PAN3: variants seen among roughly 807,000 people sequenced by gnomAD.
PAN3 encodes poly(A) specific ribonuclease subunit PAN3.
A neutral mutation model predicts 96.2 loss-of-function variants in PAN3; 19 were observed. That is an observed-to-expected ratio of 0.20 (90% CI 0.14 to 0.29). The LOEUF (loss-of-function observed/expected upper bound fraction) is 0.29, where lower values mean the gene tolerates loss of function less well. Among genes scored for constraint, PAN3 ranks in the 10% least tolerant of loss-of-function variants. The pLI is 1.00. For synonymous variants in PAN3, 433 were observed against 406.6 expected, an observed-to-expected ratio of 1.06 and a Z score of -0.78; for missense variants, 882 against 1,108.1, an observed-to-expected ratio of 0.80 and a Z score of 2.90.
At chr13:28,278,208 T>C (rs1402183529) in intron 15 of PAN3, among the ~76,000 whole-genome samples, 1 of 152,218 alleles carries the variant, frequency 6.6e-6, no homozygotes, top group African/African-American at 2.4e-5. Context: ...AATTGGGGGA[T>C]GGAGGGTGGG....
chr13:28,274,661 T>C (rs1179368704), intron 14 of PAN3, among the ~76,000 whole-genome samples: 2 of 152,142 alleles, frequency 1.3e-5, no homozygotes, highest in African/African-American at 4.8e-5. Context: ...TTATTAATAT[T>C]TGTAAGTCAG....
At chr13:28,264,902 A>G (rs986924748) in intron 9 of PAN3, among the ~76,000 whole-genome samples, 2 of 152,316 alleles carry the variant, frequency 1.3e-5, no homozygotes, top group Middle Eastern at 6.8e-3. Flanking sequence ...CCAGTGCCAT[A>G]GCGAATTGTA....
intron 4 of PAN3, among the ~76,000 whole-genome samples, chr13:28,190,265 T>C (rs1877075470): frequency 2.0e-5 from 3 of 152,140 alleles, no homozygotes; most frequent in Non-Finnish European, 2.9e-5. Context: ...TTTTTTGAGA[T>C]AGAGCCTCAC....
intron 4 of PAN3, among the ~76,000 whole-genome samples, chr13:28,193,125 C>T (rs551600926): frequency 4.6e-5 from 7 of 152,254 alleles, no homozygotes; most frequent in East Asian, 3.9e-4. Flanking sequence ...AAGAAGTTTA[C>T]GAATTCTTGT....
rs1555267661 is a variant in PAN3 at position 28,144,718 on chromosome 13, C to CCTTTTTTTTTTTTTTTT, written c.430+5631_430+5632insCTTTTTTTTTTTTTTTT. Reference sequence around the variant, plus strand: ...TATCAAAAGCAAACCAAAACATCATCTTTTTTTTTTTTTTTTTTTTTCCTC... The same window carrying CCTTTTTTTTTTTTTTTT: ...TATCAAAAGCAAACCAAAACATCATCCTTTTTTTTTTTTTTTTTTTTTTTTTTTTTTTTTTTTTCCTC... On this transcript the variant is annotated intron_variant, in intron 1 of 18. Coordinates refer to ENST00000380958, the MANE Select transcript of PAN3 (RefSeq NM_175854.8). 4.3e-5 allele frequency among the ~76,000 whole-genome samples: 2 copies of CCTTTTTTTTTTTTTTTT among 46,776 alleles called. 1 individual carries two copies. The highest frequency in any genetic ancestry group is 9.0e-5 in the Non-Finnish European group (2 of 22,264). The allele number at this position is 46,776 out of a possible 152,430, so 30.7% of individuals were successfully genotyped here.
At chr13:28,196,837 G>T (rs932368499) in intron 4 of PAN3, among the ~76,000 whole-genome samples, 2 of 152,120 alleles carry the variant, frequency 1.3e-5, no homozygotes, top group Non-Finnish European at 2.9e-5. Context: ...AGTGAGAATA[G>T]GTAAGTGACA....
Position 28,294,419 on chromosome 13 carries a change from A to G in PAN3, c.*1897A>G, listed in dbSNP as rs1414731185. On this transcript the variant is annotated 3_prime_UTR_variant, in exon 19 of 19. Transcript: ENST00000380958. Reference sequence around the variant, plus strand: ...ATTGTATTCTTTTGTACAAAAAAGAACTACTTGTATTCTAGAAGAAATATG... The same window carrying G: ...ATTGTATTCTTTTGTACAAAAAAGAGCTACTTGTATTCTAGAAGAAATATG... The G allele has an allele frequency of 1.3e-5, 2 of 152,694 alleles. No individual in the cohort carries two copies. The highest frequency in any genetic ancestry group is 4.8e-5 in the African/African-American group (2 of 41,468). The allele number at this position is 152,694 out of a possible 1,614,324, so 9.5% of individuals were successfully genotyped here.
At chr13:28,256,601 A>G in intron 7 of PAN3, 62 bp downstream of exon 7, 1 of 1,514,658 alleles carries the variant, frequency 6.6e-7, no homozygotes, top group Non-Finnish European at 8.9e-7. Context: ...CTTAGTTGTG[A>G]GGCGGTCTAC....
intron 1 of PAN3, among the ~76,000 whole-genome samples, chr13:28,171,872 T>A (rs997985362): frequency 6.6e-6 from 1 of 152,156 alleles, no homozygotes; most frequent in African/African-American, 2.4e-5. Context: ...GGCTTGGTCT[T>A]TCTGGTGAAC....
intron 5 of PAN3, among the ~76,000 whole-genome samples, chr13:28,204,466 TACCTTATC>T (rs1879115286): frequency 1.3e-5 from 2 of 152,224 alleles, no homozygotes; most frequent in African/African-American, 2.4e-5. Flanking sequence ...TGTCCAGTTT[TACCTTATC>T]ACCTTATCTC....
intron 4 of PAN3, among the ~76,000 whole-genome samples, chr13:28,196,015 G>C (rs917116600): frequency 6.6e-6 from 1 of 150,494 alleles, no homozygotes; most frequent in African/African-American, 2.4e-5. Context: ...ACTGGCTATA[G>C]GTTTTTTTTT....
intron 1 of PAN3, among the ~76,000 whole-genome samples, chr13:28,149,740 T>C (rs934461402): frequency 1.3e-5 from 2 of 152,112 alleles, no homozygotes; most frequent in African/African-American, 4.8e-5. Context: ...CTCAGCCTCC[T>C]TAGTAGTTAG....
intron 7 of PAN3, among the ~76,000 whole-genome samples, chr13:28,257,717 A>G (rs984267421): frequency 6.5e-5 from 9 of 138,726 alleles, no homozygotes; most frequent in African/African-American, 8.1e-5. Flanking sequence ...ATTATATATA[A>G]TTAATATATA....
chr13:28,207,778 T>C (rs890766685), intron 5 of PAN3, among the ~76,000 whole-genome samples: 5 of 152,178 alleles, frequency 3.3e-5, no homozygotes, highest in East Asian at 1.9e-4. Flanking sequence ...CATGGCACAT[T>C]GTAGATAATA....
At chr13:28,220,656 TG>T (rs1881304707) in intron 6 of PAN3, among the ~76,000 whole-genome samples, 2 of 152,198 alleles carry the variant, frequency 1.3e-5, no homozygotes, top group African/African-American at 2.4e-5. Context: ...TCTATCTTTT[TG>T]TATTTCTCTA....
intron 6 of PAN3, among the ~76,000 whole-genome samples, chr13:28,243,063 A>G (rs1461022950): frequency 1.3e-5 from 2 of 152,170 alleles, no homozygotes; most frequent in Admixed American, 1.3e-4. Flanking sequence ...AGATTCTTGT[A>G]TTTGGATGAT....
In PAN3 at chr13:28,293,387, G is replaced by GTTTTTTTTTTTTTTTTTT. The variant is rs71086844; in HGVS notation, c.*877_*894dup. On this transcript the variant is annotated 3_prime_UTR_variant, in exon 19 of 19. Transcript: ENST00000380958. Reference sequence around the variant, plus strand: ...ACTTTAGGTTCTTTCCAGTTTGCTGGTTTTTTTTTTTTTTTTTTTTTTTTT... The same window carrying GTTTTTTTTTTTTTTTTTT: ...ACTTTAGGTTCTTTCCAGTTTGCTGGTTTTTTTTTTTTTTTTTTTTTTTTTTTTTTTTTTTTTTTTTTT... The GTTTTTTTTTTTTTTTTTT allele has an allele frequency of 1.4e-4, 3 of 21,364 alleles. 1 individual carries two copies. Among genetic ancestry groups the GTTTTTTTTTTTTTTTTTT allele is most frequent in the African/African-American group, 6.0e-4 (3 of 4,976 alleles). 1.3% of individuals were successfully genotyped at this position (21,364 alleles called of 1,614,324 possible). A position where few individuals can be genotyped will look rare whatever the true frequency, so the allele number is the denominator to read the frequency against.
At chr13:28,228,743 CAG>C (rs921931919) in intron 6 of PAN3, among the ~76,000 whole-genome samples, 1 of 152,074 alleles carries the variant, frequency 6.6e-6, no homozygotes, top group Admixed American at 6.6e-5. Flanking sequence ...TAAAGGGTGT[CAG>C]TGTATTCATC....
chr13:28,158,181 A>G (rs80206329), intron 1 of PAN3, among the ~76,000 whole-genome samples: 2,936 of 152,346 alleles, frequency 0.019, 110 homozygotes, highest in African/African-American at 0.067. Context: ...TTGTTACACC[A>G]TATACAAAAA....
Sources: gnomAD v4.1 joint callset for allele counts (sites outside exome capture counted in the v4.1 genomes callset) on GRCh38, gnomAD v4.1.1 for gene constraint, MANE v1.5 for transcripts, NCBI Gene and HGNC (gene_info 2026-07-23, HGNC 2026-07-21) for gene names.